The following SLCO4A1 variants were observed in gnomAD, a reference collection of about 807,000 sequenced individuals.
SLCO4A1 encodes colon organic anion transporter.
In SLCO4A1, 51 loss-of-function variants were observed where a neutral mutation model predicts 64.6. That is an observed-to-expected ratio of 0.79 (90% confidence interval 0.63 to 1.00). The LOEUF is 1.00. SLCO4A1 is among the 50% of genes least tolerant of loss of function. The pLI, the probability that SLCO4A1 is intolerant of heterozygous loss-of-function variation, is 0.00. For synonymous variants in SLCO4A1, 471 were observed against 444.9 expected (o/e 1.06, Z -0.74); for missense variants, 919 against 980.5 (o/e 0.94, Z 0.84).
At chr20:62,684,977 T>C (rs1988002415) in intron 2 of SLCO4A1, among the ~76,000 whole-genome samples, 1 of 152,066 alleles carries the variant, frequency 6.6e-6, no homozygotes, top group Non-Finnish European at 1.5e-5. Flanking sequence ...GGCCAAAGCA[T>C]GCACAGGCAG....
Position 62,667,828 on chromosome 20 carries a change from G to A in SLCO4A1, c.1556G>A (p.Cys519Tyr), listed in dbSNP as rs754130301. The change falls in exon 8 of 12, where the codon TGC (cysteine) becomes TAC (tyrosine). Residue 519 changes from cysteine to tyrosine, a missense_variant. Transcript: ENST00000217159. Reference protein sequence around the residue: ...SCQPEHYSPVCGSDGLMYFSL... With the variant: ...SCQPEHYSPVYGSDGLMYFSL... ...CAGCCAGAACACTACAGCCCTGTGT[G>A]CGGCTCGGACGGCCTCATGTACTTC... 6.2e-7 allele frequency: 1 copy of A among 1,613,386 alleles called. No individual in the cohort carries two copies. Among genetic ancestry groups the A allele is most frequent in the South Asian group, 1.1e-5 (1 of 91,074 alleles).
intron 1 of SLCO4A1, among the ~76,000 whole-genome samples, chr20:62,653,652 C>G (rs1055298151): frequency 6.6e-6 from 1 of 152,248 alleles, no homozygotes; most frequent in Non-Finnish European, 1.5e-5. Flanking sequence ...AACTCTGCCT[C>G]AACCCCAAGG....
chr20:62,647,715 G>T (rs1981611625), intron 1 of SLCO4A1, among the ~76,000 whole-genome samples: 1 of 152,258 alleles, frequency 6.6e-6, no homozygotes, highest in Non-Finnish European at 1.5e-5. Flanking sequence ...GAAGTAGGTG[G>T]GCTTCTAGAA....
chr20:62,666,616 A>G (rs1986395073), intron 7 of SLCO4A1, 41 bp downstream of exon 7: 4 of 1,553,502 alleles, frequency 2.6e-6, no homozygotes, highest in Non-Finnish European at 2.6e-6. Context: ...CGGGGCCCCA[A>G]GCACCCGCGG....
chr20:62,655,661 G>A (rs1323281272), intron 1 of SLCO4A1, among the ~76,000 whole-genome samples: 1 of 152,168 alleles, frequency 6.6e-6, no homozygotes, highest in Non-Finnish European at 1.5e-5. Context: ...CTACATGGCT[G>A]CCGACTGCAA....
chr20:62,656,402 G>A lies in SLCO4A1; in HGVS notation c.-53G>A. The A allele has an allele frequency of 7.0e-7, 1 of 1,427,512 alleles. No individual in the cohort carries two copies. The highest frequency in any genetic ancestry group is 2.5e-5 in the East Asian group (1 of 39,900). The allele number at this position is 1,427,512 out of a possible 1,614,324, so 88.4% of individuals were successfully genotyped here. Reference sequence around the variant, plus strand: ...ATACCACTTGGCCACTCCCGCTGAGGCCACTCCCACTGCGTGGCTGAAGCC... The same window carrying A: ...ATACCACTTGGCCACTCCCGCTGAGACCACTCCCACTGCGTGGCTGAAGCC... On this transcript the variant is annotated 5_prime_UTR_variant, in exon 2 of 12. Transcript: ENST00000217159.
At chr20:62,654,436 G>A (rs370179357) in intron 1 of SLCO4A1, among the ~76,000 whole-genome samples, 111 of 152,008 alleles carry the variant, frequency 7.3e-4, no homozygotes, top group African/African-American at 2.3e-3. Flanking sequence ...AGCAGACTCT[G>A]TGAGGAGCTG....
At chr20:62,658,563 GCC>G in intron 2 of SLCO4A1, 112 bp from the exon 3 acceptor site, 1 of 772,834 alleles carries the variant, frequency 1.3e-6, no homozygotes, top group Non-Finnish European at 2.2e-6. Context: ...AGGGGAGTGG[GCC>G]GGAGATGCAG....
At position 62,672,221 on chromosome 20, in the gene SLCO4A1, G is replaced by T; in HGVS notation, c.*328G>T. 1 of 1,268,886 alleles carries T rather than the reference G, an allele frequency of 7.9e-7. No individual in the cohort carries two copies. Among genetic ancestry groups the T allele is most frequent in the Non-Finnish European group, 1.0e-6 (1 of 998,450 alleles). The allele number at this position is 1,268,886 out of a possible 1,614,324, so 78.6% of individuals were successfully genotyped here. ...ATCCCACTGGGAGGGCGGTGGGCCT[G>T]CAGCCTGAGGAAGGCTTGTGTGTCC... On this transcript the variant is annotated 3_prime_UTR_variant, in exon 12 of 12. Transcript: ENST00000217159.
At chr20:62,659,172 G>T (rs1159280499) in intron 3 of SLCO4A1, among the ~76,000 whole-genome samples, 1 of 152,170 alleles carries the variant, frequency 6.6e-6, no homozygotes, top group African/African-American at 2.4e-5. Context: ...GAGACAGAGG[G>T]AAAGACACGT....
chr20:62,660,965 C>A, intron 4 of SLCO4A1, 99 bp from the exon 5 acceptor site: 1 of 822,010 alleles, frequency 1.2e-6, no homozygotes, highest in Non-Finnish European at 1.9e-6. Flanking sequence ...CGTTCCCAGA[C>A]CGGGGAGGGG....
rs141365960 is a variant in SLCO4A1, at chr20:62,669,036, G to A, written c.1983G>A (p.Ser661=). The change falls in exon 11 of 12, where the codon TCG becomes TCA. Residue 661 remains serine, a synonymous_variant. Coordinates refer to ENST00000217159, the MANE Select transcript of SLCO4A1 (RefSeq NM_016354.4). The stretch of plus-strand genomic sequence containing the variant: ...GCTCCTGCTTGGTGTACCAGAATTC[G>A]GCCATGAGCCGCTACATACTCATCA... ...QQGSCLVYQN[S]AMSRYILIMG... The A allele has an allele frequency of 1.9e-6, 3 of 1,611,468 alleles. No homozygotes were observed. Among genetic ancestry groups the A allele is most frequent in the African/African-American group, 1.3e-5 (1 of 75,034 alleles).
downstream of SLCO4A1, among the ~76,000 whole-genome samples, chr20:62,686,829 A>G (rs1172270600): frequency 6.6e-6 from 1 of 151,978 alleles, no homozygotes; most frequent in African/African-American, 2.4e-5. Flanking sequence ...GGCAGATGAA[A>G]AGGGTGCCCC....
At chr20:62,684,253 C>T (rs535180910) in intron 2 of SLCO4A1, among the ~76,000 whole-genome samples, 4 of 152,354 alleles carry the variant, frequency 2.6e-5, no homozygotes. Context: ...CAGTTTCTCC[C>T]CTCTGAAATG....
chr20:62,666,502 C>A lies in SLCO4A1; in HGVS notation c.1399C>A (p.Leu467Met). The change falls in exon 7 of 12, where the codon CTG (leucine) becomes ATG (methionine). Residue 467 changes from leucine (L) to methionine (M), a missense_variant. Leu to Met is a conservative substitution (Grantham distance 15). Coordinates refer to ENST00000217159, the MANE Select transcript of SLCO4A1 (RefSeq NM_016354.4). ...FCLFCTVVSL[L>M]GILVFSLHCP... ...CCTGTTCTGCACCGTTGTCAGCCTG[C>A]TGGGCATCCTCGTCTTCTCACTGCA... The A allele has an allele frequency of 6.2e-7, 1 of 1,613,528 alleles. No homozygotes were observed. The highest frequency in any genetic ancestry group is 8.5e-7 in the Non-Finnish European group (1 of 1,179,994).
intron 1 of SLCO4A1, chr20:62,649,026 AAG>A (rs1981939995): frequency 6.6e-6 from 1 of 152,254 alleles, no homozygotes; most frequent in Non-Finnish European, 1.5e-5. Flanking sequence ...GATAGGTGGA[AAG>A]AGATTTATCC....
At position 62,671,652 on chromosome 20, in the gene SLCO4A1, T is replaced by G. The variant is rs3787538; in HGVS notation, c.2026-98T>G. ...GTTTCCGTGGACCTGGTGAGGGTGCTGCAGGCTGGGGCAGGGACAGGACTG... is the reference window on the plus strand; with the variant it reads ...GTTTCCGTGGACCTGGTGAGGGTGCGGCAGGCTGGGGCAGGGACAGGACTG... On this transcript the variant is annotated intron_variant, in intron 11 of 11. Coordinates refer to ENST00000217159, the MANE Select transcript of SLCO4A1 (RefSeq NM_016354.4). The G allele has an allele frequency of 1.6e-5, 19 of 1,160,294 alleles. No homozygotes were observed. In the Admixed American group the frequency reaches 3.0e-4, roughly 18 times the overall value. The allele number at this position is 1,160,294 out of a possible 1,614,324, so 71.9% of individuals were successfully genotyped here.
intron 1 of SLCO4A1, chr20:62,649,624 A>G (rs567258713): frequency 6.6e-6 from 1 of 152,532 alleles, no homozygotes; most frequent in African/African-American, 2.4e-5. Flanking sequence ...GACAGGAGCC[A>G]GGGTGGCCTG....
At chr20:62,666,649 G>GGT (rs1179622858) in intron 7 of SLCO4A1, 74 bp downstream of exon 7, 1 of 1,302,084 alleles carries the variant, frequency 7.7e-7, no homozygotes, top group Non-Finnish European at 1.1e-6. Context: ...GAGGAGGAGT[G>GGT]GTGCAGCACT....
Sources: allele counts gnomAD v4.1 joint callset (sites outside exome capture counted in the v4.1 genomes callset), GRCh38; gene constraint gnomAD v4.1.1; transcripts MANE v1.5; gene names NCBI Gene and HGNC (gene_info 2026-07-23, HGNC 2026-07-21).